Variants in EPHB1 observed in about 807,000 individuals in gnomAD.
EPHB1 encodes the protein ephrin type-B receptor 1.
EPHB1 carries 30 observed loss-of-function variants against 94.4 expected under a neutral mutation model. That is an observed-to-expected ratio of 0.32 (90% confidence interval 0.24 to 0.43). EPHB1 has a LOEUF of 0.43. Ranked by LOEUF, EPHB1 falls within the 20% of genes least tolerant of loss-of-function variation. The pLI, the probability that EPHB1 is intolerant of heterozygous loss-of-function variation, is 1.00. For synonymous variants in EPHB1, 522 were observed against 489.1 expected (o/e 1.07, Z -0.89); for missense variants, 1,055 against 1,308.3 (o/e 0.81, Z 2.99).
At chr3:134,932,272 A>AGCT (rs1285210901) in intron 2 of EPHB1, among the ~76,000 whole-genome samples, 13 of 152,152 alleles carry the variant, frequency 8.5e-5, no homozygotes, top group African/African-American at 2.9e-4. Flanking sequence ...CTGAATGCAC[A>AGCT]GCTGCTGCTT....
At chr3:134,890,584 T>A (rs2037959856) in intron 1 of EPHB1, among the ~76,000 whole-genome samples, 1 of 152,212 alleles carries the variant, frequency 6.6e-6, no homozygotes, top group South Asian at 2.1e-4. Context: ...CTTGTTCAGC[T>A]CTCCTATATA....
Position 135,259,793 on chromosome 3 carries a change from AAG to A in EPHB1, c.*675_*676del, listed in dbSNP as rs1576510673. The A allele has an allele frequency of 1.9e-5, 4 of 215,682 alleles. No individual in the cohort carries two copies. In the East Asian group the frequency reaches 2.7e-4, roughly 15 times the overall value. The allele number at this position is 215,682 out of a possible 1,614,324, so 13.4% of individuals were successfully genotyped here. A position where few individuals can be genotyped will look rare whatever the true frequency, so the allele number is the denominator to read the frequency against. ...GTTTGCATTTTCTGCAAAAAGGAAA[AAG>A]AAACCACAAATTGGGGAAAAAAAAA... On this transcript the variant is annotated 3_prime_UTR_variant, in exon 16 of 16. Coordinates refer to ENST00000398015, the MANE Select transcript of EPHB1 (RefSeq NM_004441.5).
chr3:134,947,326 CCA>C (rs1463859517), intron 2 of EPHB1, among the ~76,000 whole-genome samples: 10 of 152,304 alleles, frequency 6.6e-5, no homozygotes, highest in African/African-American at 2.4e-4. Flanking sequence ...TTCGACCCCC[CCA>C]GTTCTAATTA....
intron 5 of EPHB1, among the ~76,000 whole-genome samples, chr3:135,140,380 G>A (rs897304276): frequency 1.3e-5 from 2 of 152,216 alleles, no homozygotes; most frequent in Non-Finnish European, 2.9e-5. Context: ...TGACTATTGT[G>A]TCCAGATAGG....
chr3:134,890,152 A>G (rs1192988990), intron 1 of EPHB1, among the ~76,000 whole-genome samples: 1 of 151,858 alleles, frequency 6.6e-6, no homozygotes, highest in Non-Finnish European at 1.5e-5. Context: ...AGGGGTACCC[A>G]CTGACTTTGA....
chr3:135,093,721 CA>C (rs11297040), intron 3 of EPHB1, among the ~76,000 whole-genome samples: 94,595 of 140,428 alleles, frequency 0.67, 31,167 homozygotes, highest in East Asian at 0.77. Flanking sequence ...GACCCTGACT[CA>C]AAAAAAAAAA....
At position 135,150,749 on chromosome 3, in the gene EPHB1, C is replaced by G. The variant is rs114506672; in HGVS notation, c.1298-3403C>G. Reference sequence around the variant, plus strand: ...CTATTGATTCTCTTGGTGATCTCTGCAAGTTCCACTTATTTCAATATCTGT... The same window carrying G: ...CTATTGATTCTCTTGGTGATCTCTGGAAGTTCCACTTATTTCAATATCTGT... On this transcript the variant is annotated intron_variant, in intron 5 of 15. Coordinates refer to ENST00000398015, the MANE Select transcript of EPHB1 (RefSeq NM_004441.5). Among the ~76,000 whole-genome samples the G allele has an allele frequency of 8.6e-3, 1,316 of 152,268 alleles. 21 individuals carry two copies. The highest frequency in any genetic ancestry group is 0.03 in the African/African-American group (1,241 of 41,540).
chr3:135,046,008 C>T (rs1323918924), intron 3 of EPHB1, among the ~76,000 whole-genome samples: 8 of 151,982 alleles, frequency 5.3e-5, no homozygotes, highest in Admixed American at 2.0e-4. Context: ...TGTAATTTAA[C>T]GAAAATAACA....
intron 10 of EPHB1, among the ~76,000 whole-genome samples, chr3:135,185,387 G>A (rs1314345142): frequency 6.6e-6 from 1 of 152,176 alleles, no homozygotes; most frequent in Non-Finnish European, 1.5e-5. Flanking sequence ...ACGGCAAGAA[G>A]CATTTCTAGG....
At position 135,082,622 on chromosome 3, in the gene EPHB1, G is replaced by A. The variant is rs144869014; in HGVS notation, c.806-23826G>A. Among the ~76,000 whole-genome samples, 676 of 152,308 alleles carry A rather than the reference G, an allele frequency of 4.4e-3. 6 individuals are homozygous for A. Among genetic ancestry groups the A allele is most frequent in the African/African-American group, 0.015 (643 of 41,566 alleles). ...GAGGAATACTTTCATGGATAGGGTG[G>A]AATGTGAGCTAAGCTGTAGAGAATA... is the stretch of plus-strand genomic sequence containing the variant. On this transcript the variant is annotated intron_variant, in intron 3 of 15. Transcript: ENST00000398015.
At chr3:135,108,358 A>G (rs915483154) in intron 4 of EPHB1, among the ~76,000 whole-genome samples, 6 of 152,256 alleles carry the variant, frequency 3.9e-5, no homozygotes, top group African/African-American at 1.4e-4. Context: ...GCTGGCACAC[A>G]TGTAGTCATT....
At chr3:134,958,553 T>C (rs1425888985) in intron 3 of EPHB1, among the ~76,000 whole-genome samples, 2 of 152,136 alleles carry the variant, frequency 1.3e-5, no homozygotes, top group African/African-American at 2.4e-5. Flanking sequence ...ACAGCCCAGA[T>C]AGCCTCCTCT....
chr3:135,256,600 A>G (rs1444312318), intron 15 of EPHB1, among the ~76,000 whole-genome samples: 53 of 152,242 alleles, frequency 3.5e-4, no homozygotes, highest in Non-Finnish European at 1.2e-4. Context: ...TGTTAGTCTG[A>G]TGGGCTTCCC....
At chr3:135,240,087 C>T (rs897228511) in intron 12 of EPHB1, among the ~76,000 whole-genome samples, 22 of 152,196 alleles carry the variant, frequency 1.4e-4, no homozygotes, top group Admixed American at 4.6e-4. Flanking sequence ...CCTGACCCTT[C>T]CCTGTGTTGG....
chr3:134,864,822 G>T (rs1439545683), intron 1 of EPHB1, among the ~76,000 whole-genome samples: 1 of 152,218 alleles, frequency 6.6e-6, no homozygotes, highest in Non-Finnish European at 1.5e-5. Flanking sequence ...TGCCAGCCCA[G>T]GCTGACCGTA....
At position 135,092,763 on chromosome 3, in the gene EPHB1, C is replaced by CT. The variant is rs372465449; in HGVS notation, c.806-13684dup. ...GCCTCAGCCTCCTGAGTAGCTGGGA[C>CT]TACAGGCATGCGCCACTACTCCTGA... is the stretch of plus-strand genomic sequence containing the variant. On this transcript the variant is annotated intron_variant, in intron 3 of 15. Coordinates refer to ENST00000398015, the MANE Select transcript of EPHB1 (RefSeq NM_004441.5). Among the ~76,000 whole-genome samples, 288 of 152,284 alleles carry CT rather than the reference C, an allele frequency of 1.9e-3. 4 individuals carry two copies. The highest frequency in any genetic ancestry group is 6.7e-3 in the African/African-American group (279 of 41,564).
intron 1 of EPHB1, among the ~76,000 whole-genome samples, chr3:134,814,331 T>C (rs1197253267): frequency 6.6e-6 from 1 of 151,090 alleles, no homozygotes; most frequent in East Asian, 1.9e-4. Flanking sequence ...GAGGGGAGAG[T>C]GATGAGGATG....
intron 1 of EPHB1, among the ~76,000 whole-genome samples, chr3:134,892,867 G>A (rs1330476028): frequency 4.0e-5 from 6 of 151,206 alleles, no homozygotes; most frequent in East Asian, 1.9e-4. Context: ...TTTGATTTAC[G>A]GGGCCTCTTC....
At chr3:134,983,470 A>T (rs1206067339) in intron 3 of EPHB1, among the ~76,000 whole-genome samples, 1 of 152,210 alleles carries the variant, frequency 6.6e-6, no homozygotes, top group African/African-American at 2.4e-5. Flanking sequence ...CTCTCTTGCC[A>T]TCTGGGTTCA....
Sources: allele counts gnomAD v4.1 joint callset (sites outside exome capture counted in the v4.1 genomes callset), GRCh38; gene constraint gnomAD v4.1.1; transcripts MANE v1.5; gene names NCBI Gene and HGNC (gene_info 2026-07-23, HGNC 2026-07-21).